The following SAR1B variants were observed in gnomAD, a reference collection of about 807,000 sequenced individuals.
SAR1B encodes the protein small COPII coat GTPase SAR1B.
SAR1B carries 23 observed loss-of-function variants against 26.8 expected under a neutral mutation model. The observed-to-expected ratio is 0.86, with a 90% confidence interval of 0.62 to 1.22. The LOEUF is 1.22. Ranked by LOEUF, SAR1B falls within the 50% of genes most tolerant of loss-of-function variation. The pLI is 0.00. For synonymous variants in SAR1B, 65 were observed against 80.8 expected, an observed-to-expected ratio of 0.80 and a Z score of 1.05; for missense variants, 196 against 232.8, an observed-to-expected ratio of 0.84 and a Z score of 1.03.
At position 134,602,925 on chromosome 5, in the gene SAR1B, T is replaced by C. The variant is rs764504750; in HGVS notation, c.*4025A>G. 6 of 152,220 alleles carry C rather than the reference T, an allele frequency of 3.9e-5. No individual in the cohort carries two copies. The highest frequency in any genetic ancestry group is 6.8e-3 in the Middle Eastern group (2 of 292). The allele number at this position is 152,220 out of a possible 1,614,324, so 9.4% of individuals were successfully genotyped here. A position where few individuals can be genotyped will look rare whatever the true frequency, so the allele number is the denominator to read the frequency against. ...AAAAACAAACATGCAGTTTTGATAA[T>C]TTAGTCCTTAATTGAAGCACACTGT... is the stretch of plus-strand genomic sequence containing the variant. On this transcript the variant is annotated 3_prime_UTR_variant, in exon 7 of 7. Transcript: ENST00000402673.
intron 1 of SAR1B, 42 bp from the exon 2 acceptor site, chr5:134,624,079 C>G (rs975460363): frequency 9.3e-7 from 1 of 1,070,620 alleles, no homozygotes; most frequent in Non-Finnish European, 1.5e-6. Context: ...ACATTAAACA[C>G]CAATATACAT....
chr5:134,612,183 G>A (rs1233928966), intron 4 of SAR1B, among the ~76,000 whole-genome samples: 2 of 152,084 alleles, frequency 1.3e-5, no homozygotes, highest in African/African-American at 4.8e-5. Flanking sequence ...ACATGATTAT[G>A]ACAGTGAGAG....
Position 134,603,490 on chromosome 5 carries a change from C to T in SAR1B, c.*3460G>A, listed in dbSNP as rs560312877. On this transcript the variant is annotated 3_prime_UTR_variant, in exon 7 of 7. Transcript: ENST00000402673. ...TACAAGTAGTTTATGCGCTTTCCAT[C>T]ACTATAAAGTATGGGCCAGTTGAAA... 6.6e-6 allele frequency: 1 copy of T among 152,232 alleles called. No homozygotes were observed. Among genetic ancestry groups the T allele is most frequent in the South Asian group, 2.1e-4 (1 of 4,830 alleles). 9.4% of individuals were successfully genotyped at this position (152,232 alleles called of 1,614,324 possible). A position where few individuals can be genotyped will look rare whatever the true frequency, so the allele number is the denominator to read the frequency against.
At chr5:134,611,566 T>A (rs13157171) in intron 4 of SAR1B, among the ~76,000 whole-genome samples, 13,880 of 151,724 alleles carry the variant, frequency 0.091, 872 homozygotes, top group Middle Eastern at 0.15. Flanking sequence ...ACAAAAAAAA[T>A]TTTTTTTAAT....
rs1414142276 is a variant in SAR1B at position 134,603,363 on chromosome 5, G to C, written c.*3587C>G. On this transcript the variant is annotated 3_prime_UTR_variant, in exon 7 of 7. Transcript: ENST00000402673. ...TAACTAGAACTATACTGTTTCTAAT[G>C]ATGGAACCTGTGAAATGCTGGGTTT... 6.6e-6 allele frequency: 1 copy of C among 152,220 alleles called. No homozygotes were observed. Among genetic ancestry groups the C allele is most frequent in the Non-Finnish European group, 1.5e-5 (1 of 68,046 alleles). The allele number at this position is 152,220 out of a possible 1,614,324, so 9.4% of individuals were successfully genotyped here.
chr5:134,630,230 C>T (rs1458115378), intron 1 of SAR1B, among the ~76,000 whole-genome samples: 1 of 151,644 alleles, frequency 6.6e-6, no homozygotes, highest in Non-Finnish European at 1.5e-5. Context: ...CTGAGGGGGG[C>T]GGATCACCTG....
chr5:134,615,407 C>G (rs1363507152), intron 3 of SAR1B, among the ~76,000 whole-genome samples: 2 of 147,564 alleles, frequency 1.4e-5, no homozygotes. Context: ...CCCAGCTACT[C>G]AGGAGGCTGA....
At chr5:134,609,879 C>T (rs1765185062) in intron 4 of SAR1B, among the ~76,000 whole-genome samples, 1 of 151,444 alleles carries the variant, frequency 6.6e-6, no homozygotes, top group African/African-American at 2.4e-5. Context: ...TGACTGTGGG[C>T]AAGTCAAATA....
intron 4 of SAR1B, 25 bp from the exon 5 acceptor site, chr5:134,609,699 A>G (rs1765182871): frequency 6.3e-7 from 1 of 1,594,374 alleles, no homozygotes; most frequent in Non-Finnish European, 8.6e-7. Context: ...CAGGGGTTAG[A>G]GTTTACTTGT....
intron 3 of SAR1B, among the ~76,000 whole-genome samples, chr5:134,616,924 T>G (rs1421662600): frequency 6.6e-6 from 1 of 152,192 alleles, no homozygotes; most frequent in Non-Finnish European, 1.5e-5. Context: ...TTCCAGTTTT[T>G]GGCTATTACA....
chr5:134,630,750 G>A (rs1350903648), intron 1 of SAR1B, among the ~76,000 whole-genome samples: 2 of 147,078 alleles, frequency 1.4e-5, no homozygotes. Flanking sequence ...CTGCACTCCA[G>A]CCTGGGCGAT....
intron 3 of SAR1B, among the ~76,000 whole-genome samples, chr5:134,619,597 C>T (rs1037894218): frequency 6.6e-6 from 1 of 151,930 alleles, no homozygotes; most frequent in Non-Finnish European, 1.5e-5. Flanking sequence ...CTCCTGGGCT[C>T]AAGTGATTCT....
intron 3 of SAR1B, 160 bp from the exon 4 acceptor site, chr5:134,612,916 A>C (rs928125165): frequency 6.9e-5 from 44 of 635,228 alleles, no homozygotes; most frequent in Non-Finnish European, 1.0e-4. Flanking sequence ...ACCCGTGCTA[A>C]CATTCTTAAA....
At chr5:134,622,714 C>T (rs1256116486) in intron 2 of SAR1B, among the ~76,000 whole-genome samples, 1 of 150,958 alleles carries the variant, frequency 6.6e-6, no homozygotes, top group Non-Finnish European at 1.5e-5. Flanking sequence ...CCGGCCTTAA[C>T]TATTCTTAAC....
chr5:134,627,342 C>T (rs1031704790), intron 1 of SAR1B, among the ~76,000 whole-genome samples: 1 of 151,080 alleles, frequency 6.6e-6, no homozygotes, highest in East Asian at 2.0e-4. Flanking sequence ...TGAGCCACCG[C>T]GCCCCGCCAC....
intron 3 of SAR1B, among the ~76,000 whole-genome samples, chr5:134,620,666 C>A (rs1765390360): frequency 6.6e-6 from 1 of 152,066 alleles, no homozygotes; most frequent in East Asian, 1.9e-4. Context: ...TTCAAGACCA[C>A]CCTGGGAAAC....
At chr5:134,612,807 C>T (rs987396379) in intron 3 of SAR1B, 51 bp from the exon 4 acceptor site, 10 of 1,525,528 alleles carry the variant, frequency 6.6e-6, no homozygotes, top group African/African-American at 5.6e-5. Flanking sequence ...ACCCATTAAT[C>T]GTGTAAAAAG....
chr5:134,627,625 C>T (rs1580657375), intron 1 of SAR1B, among the ~76,000 whole-genome samples: 4 of 148,986 alleles, frequency 2.7e-5, no homozygotes. Flanking sequence ...GGTGAAACCC[C>T]GTCTCTACCA....
rs1473438606 is a variant in SAR1B, at chr5:134,601,707, C to T, written c.*5243G>A. On this transcript the variant is annotated 3_prime_UTR_variant, in exon 7 of 7. Coordinates refer to ENST00000402673, the MANE Select transcript of SAR1B (RefSeq NM_016103.4). ...CTGTATGTCAAAAACAGAACTGTTC[C>T]TGCCTTTCACCCCAAAATATTTAAA... is the stretch of plus-strand genomic sequence containing the variant. 2 of 152,174 alleles carry T rather than the reference C, an allele frequency of 1.3e-5. No individual in the cohort carries two copies. Among genetic ancestry groups the T allele is most frequent in the Non-Finnish European group, 2.9e-5 (2 of 68,028 alleles). The allele number at this position is 152,174 out of a possible 1,614,324, so 9.4% of individuals were successfully genotyped here.
Sources: gnomAD v4.1 joint callset for allele counts (sites outside exome capture counted in the v4.1 genomes callset) on GRCh38, gnomAD v4.1.1 for gene constraint, MANE v1.5 for transcripts, NCBI Gene and HGNC (gene_info 2026-07-23, HGNC 2026-07-21) for gene names.